UBN2: variants seen among roughly 807,000 people sequenced by gnomAD.
UBN2 encodes ubinuclein 2, also known as ubinuclein-2.
In UBN2, 35 loss-of-function variants were observed where a neutral mutation model predicts 120.2. That is an observed-to-expected ratio of 0.29 (90% CI 0.22 to 0.39). The LOEUF (loss-of-function observed/expected upper bound fraction) is 0.39, where lower values mean the gene tolerates loss of function less well. Among genes scored for constraint, UBN2 ranks in the 10% least tolerant of loss-of-function variants. UBN2 has a pLI of 1.00. For missense variants in UBN2, 1,693 were observed against 1,663.2 expected (o/e 1.02, Z -0.31); for synonymous variants, 661 against 648.7 (o/e 1.02, Z -0.29).
At chr7:139,272,028 A>T (rs1158756896) in intron 8 of UBN2, among the ~76,000 whole-genome samples, 1 of 152,220 alleles carries the variant, frequency 6.6e-6, no homozygotes, top group Non-Finnish European at 1.5e-5. Context: ...CGTTTTCTGT[A>T]TGAAAGTGTT....
intron 3 of UBN2, among the ~76,000 whole-genome samples, chr7:139,253,104 G>C (rs1477690906): frequency 6.6e-6 from 1 of 152,132 alleles, no homozygotes; most frequent in African/African-American, 2.4e-5. Context: ...TTATATATTA[G>C]TACATGGATA....
intron 2 of UBN2, among the ~76,000 whole-genome samples, chr7:139,250,155 C>T (rs1267589393): frequency 6.6e-6 from 1 of 152,052 alleles, no homozygotes; most frequent in Non-Finnish European, 1.5e-5. Flanking sequence ...GTGGGAGGAT[C>T]GCTTGAGCCT....
chr7:139,320,263 A>G, the UBN2 span, among the ~76,000 whole-genome samples: 1 of 151,730 alleles, frequency 6.6e-6, no homozygotes, highest in Non-Finnish European at 1.5e-5. Flanking sequence ...GGAGTTTGAG[A>G]CCAGCCTGGC....
chr7:139,239,124 G>T (rs1011806914), intron 2 of UBN2, among the ~76,000 whole-genome samples: 2 of 152,078 alleles, frequency 1.3e-5, no homozygotes, highest in African/African-American at 2.4e-5. Context: ...CACTCCTGTG[G>T]TACTAGAGAT....
At chr7:139,266,265 G>A (rs533034411) in intron 6 of UBN2, 68 bp from the exon 7 acceptor site, 20 of 873,844 alleles carry the variant, frequency 2.3e-5, no homozygotes, top group African/African-American at 1.2e-4. Flanking sequence ...CTTTGAACAC[G>A]TGTCCTAAGA....
In UBN2 at chr7:139,234,559, G is replaced by A. The variant is rs562533879; in HGVS notation, c.469-2446G>A. On this transcript the variant is annotated intron_variant, in intron 1 of 17. Coordinates refer to ENST00000473989, the MANE Select transcript of UBN2 (RefSeq NM_173569.4). ...GCAGTACAGTGCTGTGATTGAGATGGTTTAGGATGATGACTGGCATTGGAA... is the reference window on the plus strand; with the variant it reads ...GCAGTACAGTGCTGTGATTGAGATGATTTAGGATGATGACTGGCATTGGAA... Among the ~76,000 whole-genome samples the A allele has an allele frequency of 5.9e-5, 9 of 152,284 alleles. No homozygotes were observed. The South Asian group carries it at 1.9e-3, about 32-fold the overall frequency.
At position 139,275,134 on chromosome 7, in the gene UBN2, T is replaced by C. The variant is rs190174139; in HGVS notation, c.1974-963T>C. 3.6e-3 allele frequency among the ~76,000 whole-genome samples: 548 copies of C among 150,508 alleles called. 2 individuals are homozygous for C. Among genetic ancestry groups the C allele is most frequent in the Admixed American group, 0.016 (248 of 15,114 alleles). ...ATCTACTAAAAATACAAAAATTAGC[T>C]GGGCATGGTGGTGGGCACCTGTAAT... On this transcript the variant is annotated intron_variant, in intron 11 of 17. Coordinates refer to ENST00000473989, the MANE Select transcript of UBN2 (RefSeq NM_173569.4).
chr7:139,266,103 T>C lies in UBN2; in HGVS notation c.1396-230T>C, dbSNP rs76693835. ...AGATGTTCATCTCAAAGTAATTGTT[T>C]ATTGCAGCAGGGCACAGTGGTACAT... is the stretch of plus-strand genomic sequence containing the variant. On this transcript the variant is annotated intron_variant, in intron 6 of 17. Coordinates refer to ENST00000473989, the MANE Select transcript of UBN2 (RefSeq NM_173569.4). Among the ~76,000 whole-genome samples, 97 of 151,260 alleles carry C rather than the reference T, an allele frequency of 6.4e-4. 2 individuals are homozygous for C. In the East Asian group the frequency reaches 0.018, roughly 29 times the overall value.
chr7:139,316,988 A>C, the UBN2 span, among the ~76,000 whole-genome samples: 1 of 150,010 alleles, frequency 6.7e-6, no homozygotes, highest in Non-Finnish European at 1.5e-5. Context: ...GCTGGAGTGC[A>C]ATGGTGTGGT....
At chr7:139,246,761 G>A (rs953018407) in intron 2 of UBN2, among the ~76,000 whole-genome samples, 8 of 152,188 alleles carry the variant, frequency 5.3e-5, no homozygotes, top group African/African-American at 1.9e-4. Context: ...GTGACTCTAG[G>A]CTTTTCTGAT....
Position 139,293,448 on chromosome 7 carries a change from C to T in UBN2, c.3886C>T (p.His1296Tyr), listed in dbSNP as rs559826257. 5.0e-6 allele frequency: 8 copies of T among 1,614,038 alleles called. No individual in the cohort carries two copies. In the Admixed American group the frequency reaches 1.0e-4, roughly 20 times the overall value. Reference sequence around the variant, plus strand: ...GGGATCTACCTCAGCCGCTTTCCACCATAGCCTAACTCAGAGTAAGTGGGG... The same window carrying T: ...GGGATCTACCTCAGCCGCTTTCCACTATAGCCTAACTCAGAGTAAGTGGGG... The part of the protein sequence containing the change: ...TSGSTSAAFH[H>Y]SLTQNLLKGL... The change falls in exon 16 of 18, where the codon CAT (histidine) becomes TAT (tyrosine). Residue 1296 changes from histidine (H) to tyrosine (Y), a missense_variant. Transcript: ENST00000473989.
chr7:139,276,591 C>T, intron 12 of UBN2: 1 of 163,842 alleles, frequency 6.1e-6, no homozygotes, highest in Non-Finnish European at 1.3e-5. Context: ...CTGTTCAAAA[C>T]CGTGTATTTC....
chr7:139,238,832 G>T (rs1277060585), intron 2 of UBN2, among the ~76,000 whole-genome samples: 5 of 152,178 alleles, frequency 3.3e-5, no homozygotes, highest in Non-Finnish European at 7.3e-5. Flanking sequence ...ACTGGTGGGT[G>T]TTTAAATAGA....
intron 2 of UBN2, among the ~76,000 whole-genome samples, chr7:139,239,857 A>G (rs750191911): frequency 2.6e-5 from 4 of 152,216 alleles, no homozygotes; most frequent in Non-Finnish European, 5.9e-5. Context: ...CGCCCAGCCT[A>G]GAGTGTCTAT....
At chr7:139,255,200 G>T (rs975690937) in intron 3 of UBN2, among the ~76,000 whole-genome samples, 1 of 152,110 alleles carries the variant, frequency 6.6e-6, no homozygotes, top group African/African-American at 2.4e-5. Flanking sequence ...AAATCATATA[G>T]TATGTAACTT....
At chr7:139,326,747 A>G in the UBN2 span, among the ~76,000 whole-genome samples, 1 of 152,226 alleles carries the variant, frequency 6.6e-6, no homozygotes, top group Non-Finnish European at 1.5e-5. Context: ...AATGACTTAG[A>G]CTCATCCTGG....
intron 8 of UBN2, among the ~76,000 whole-genome samples, chr7:139,269,818 T>C (rs556158746): frequency 8.5e-5 from 13 of 152,230 alleles, no homozygotes; most frequent in African/African-American, 3.1e-4. Flanking sequence ...TTTTTTTTTT[T>C]CCTTTTGATA....
At chr7:139,279,001 A>G (rs1278240406) in intron 12 of UBN2, among the ~76,000 whole-genome samples, 1 of 151,810 alleles carries the variant, frequency 6.6e-6, no homozygotes, top group African/African-American at 2.4e-5. Context: ...CCTTCTTGGC[A>G]TGGTTTAATT....
intron 2 of UBN2, among the ~76,000 whole-genome samples, chr7:139,237,814 A>T (rs1464604187): frequency 6.6e-6 from 1 of 152,062 alleles, no homozygotes; most frequent in African/African-American, 2.4e-5. Flanking sequence ...TTGGTATAGT[A>T]GTTCTGAAAC....
Sources: allele counts gnomAD v4.1 joint callset (sites outside exome capture counted in the v4.1 genomes callset), GRCh38; gene constraint gnomAD v4.1.1; transcripts MANE v1.5; gene names NCBI Gene and HGNC (gene_info 2026-07-23, HGNC 2026-07-21).